The following KLHL13 variants were observed in gnomAD, a reference collection of about 807,000 sequenced individuals.
The protein encoded by KLHL13 is kelch-like protein 13.
A neutral mutation model predicts 37.1 loss-of-function variants in KLHL13; 10 were observed. The observed-to-expected ratio is 0.27, with a 90% CI of 0.17 to 0.46. The LOEUF (loss-of-function observed/expected upper bound fraction) is 0.46, where lower values mean the gene tolerates loss of function less well. Among genes scored for constraint, KLHL13 ranks in the 20% least tolerant of loss-of-function variants. The probability of loss-of-function intolerance (pLI) is 1.00; values close to 1 mark genes in which losing one functional copy is unlikely to be tolerated. For synonymous variants in KLHL13, 163 were observed against 181.2 expected, an observed-to-expected ratio of 0.90 and a Z score of 0.81; for missense variants, 360 against 509.3, an observed-to-expected ratio of 0.71 and a Z score of 2.82.
intron 1 of KLHL13, among the ~76,000 whole-genome samples, chrX:118,073,417 T>C (rs1364401801): frequency 9.0e-6 from 1 of 110,913 alleles, no homozygotes; most frequent in African/African-American, 3.3e-5. Flanking sequence ...AGGAAAGACC[T>C]GCCCCCATGA....
rs953345910 is a variant in KLHL13 at position 118,021,240 on chromosome X, CT to C, written c.-55-75666del. ...ATGTTGTTGTAAATGGCATTATCTCCTTTTTTTTTATTATTATACTTTAAGT... is the reference window on the plus strand; with the variant it reads ...ATGTTGTTGTAAATGGCATTATCTCCTTTTTTTTATTATTATACTTTAAGT... On this transcript the variant is annotated intron_variant, in intron 1 of 6. Transcript: ENST00000371882. Among the ~76,000 whole-genome samples the C allele has an allele frequency of 1.8e-4, 19 of 105,492 alleles. No individual in the cohort carries two copies. In the East Asian group the frequency reaches 3.1e-3, roughly 17 times the overall value. The allele number at this position is 105,492 out of a possible 115,157, so 91.6% of individuals were successfully genotyped here.
At chrX:118,099,591 A>G (rs921200907) in intron 1 of KLHL13, among the ~76,000 whole-genome samples, 1 of 110,907 alleles carries the variant, frequency 9.0e-6, no homozygotes, top group Non-Finnish European at 1.9e-5. Context: ...AGCTGGATCA[A>G]TTGAGGCCAG....
intron 1 of KLHL13, among the ~76,000 whole-genome samples, chrX:118,055,892 C>T (rs1372105415): frequency 1.8e-5 from 2 of 112,217 alleles, no homozygotes; most frequent in East Asian, 2.8e-4. Context: ...CTCTATTCAA[C>T]ATTGTGCTAG....
intron 1 of KLHL13, among the ~76,000 whole-genome samples, chrX:117,956,625 T>C: frequency 8.9e-6 from 1 of 112,190 alleles, no homozygotes; most frequent in South Asian, 3.7e-4. Context: ...AAGAGAAGTA[T>C]TCCTTTCCTT....
intron 1 of KLHL13, among the ~76,000 whole-genome samples, chrX:117,997,613 A>G (rs771696194): frequency 2.0e-4 from 22 of 112,326 alleles, no homozygotes; most frequent in Non-Finnish European, 3.0e-4. Flanking sequence ...ACGTATTGCA[A>G]GGCTCATTTG....
Position 118,032,106 on chromosome X carries a change from C to CA in KLHL13, c.-56+84401_-56+84402insT, listed in dbSNP as rs202052483. Among the ~76,000 whole-genome samples the CA allele has an allele frequency of 8.0e-3, 892 of 111,568 alleles. 12 individuals carry two copies. The highest frequency in any genetic ancestry group is 0.027 in the African/African-American group (843 of 30,724). On this transcript the variant is annotated intron_variant, in intron 1 of 6. Coordinates refer to the KLHL13 transcript ENST00000371882. ...AGAGGGTCCTAGGCCCACGGAGTCT[C>CA]CTGATTGCTTGCACAGCAGTCTGAG...
chrX:117,978,174 T>C (rs1243011023), upstream of KLHL13, among the ~76,000 whole-genome samples: 2 of 112,562 alleles, frequency 1.8e-5, no homozygotes, highest in African/African-American at 6.5e-5. Flanking sequence ...TTTGTAGCTA[T>C]GACTATGCCT....
At chrX:118,040,447 A>G (rs1224034302) in intron 1 of KLHL13, among the ~76,000 whole-genome samples, 3 of 112,165 alleles carry the variant, frequency 2.7e-5, no homozygotes, top group Non-Finnish European at 5.6e-5. Context: ...AGAGTCTCTC[A>G]ACAGTAGAAC....
chrX:117,985,469 T>C (rs2053713597), intron 1 of KLHL13: 1 of 542,751 alleles, frequency 1.8e-6, no homozygotes, highest in Middle Eastern at 6.8e-4. Context: ...AAAAAACCTA[T>C]GTACTGCATA....
At chrX:118,036,501 C>T (rs1333552733) in intron 1 of KLHL13, among the ~76,000 whole-genome samples, 2 of 111,459 alleles carry the variant, frequency 1.8e-5, no homozygotes, top group African/African-American at 6.5e-5. Flanking sequence ...GAAAGGATTC[C>T]CTATTTAATA....
intron 1 of KLHL13, among the ~76,000 whole-genome samples, chrX:117,964,446 T>G (rs1273191144): frequency 8.9e-6 from 1 of 112,158 alleles, no homozygotes; most frequent in African/African-American, 3.2e-5. Flanking sequence ...GAAGATAGTA[T>G]GGAAGATAAA....
In KLHL13 at chrX:118,007,005, C is replaced by T. The variant is rs185843534; in HGVS notation, c.-55-61430G>A. 3.4e-3 allele frequency among the ~76,000 whole-genome samples: 381 copies of T among 111,533 alleles called. 1 individual carries two copies. The highest frequency in any genetic ancestry group is 0.012 in the African/African-American group (361 of 30,725). ...GGGGCCAGAGATCAAATAATTATCG[C>T]TCCCTAGAGGCCTTATTAGACTTAG... is the stretch of plus-strand genomic sequence containing the variant. On this transcript the variant is annotated intron_variant, in intron 1 of 6. Coordinates refer to the KLHL13 transcript ENST00000371882.
chrX:117,936,184 G>A (rs1037467706), intron 2 of KLHL13, among the ~76,000 whole-genome samples: 5 of 111,358 alleles, frequency 4.5e-5, no homozygotes, highest in Non-Finnish European at 9.4e-5. Flanking sequence ...AGGAGTGAGG[G>A]AAATGAAATA....
At chrX:118,061,849 A>C (rs918786480) in intron 1 of KLHL13, among the ~76,000 whole-genome samples, 3 of 111,784 alleles carry the variant, frequency 2.7e-5, no homozygotes, top group Non-Finnish European at 5.7e-5. Flanking sequence ...AATTACTTAA[A>C]TTAATGTTTC....
chrX:117,979,927 T>A (rs1569432324), intron 1 of KLHL13, among the ~76,000 whole-genome samples: 1 of 112,055 alleles, frequency 8.9e-6, no homozygotes, highest in Non-Finnish European at 1.9e-5. Context: ...GTAAATAAAA[T>A]AGTCAAGCTA....
At chrX:118,019,383 T>C (rs190480326) in intron 1 of KLHL13, among the ~76,000 whole-genome samples, 9,233 of 110,491 alleles carry the variant, frequency 0.084, 355 homozygotes, top group Middle Eastern at 0.14. Flanking sequence ...TTGTAGATTC[T>C]GGATATTAGC....
chrX:118,094,579 A>G (rs1249397014), intron 1 of KLHL13, among the ~76,000 whole-genome samples: 1 of 110,132 alleles, frequency 9.1e-6, no homozygotes. Context: ...ACTCCAAGAC[A>G]CATAATTGTC....
exon 7 of KLHL13, chrX:117,897,848 A>T (rs1268510616): frequency 7.1e-5 from 8 of 112,282 alleles, no homozygotes; most frequent in African/African-American, 2.6e-4. Flanking sequence ...AAAAAAGATA[A>T]AACATGGAAG....
intron 1 of KLHL13, among the ~76,000 whole-genome samples, chrX:118,057,002 C>T (rs2054692271): frequency 8.9e-6 from 1 of 112,230 alleles, no homozygotes; most frequent in Admixed American, 9.4e-5. Flanking sequence ...CCACACTGTA[C>T]TTTGTCCCTG....
Sources: allele counts gnomAD v4.1 joint callset (sites outside exome capture counted in the v4.1 genomes callset), GRCh38; gene constraint gnomAD v4.1.1; transcripts MANE v1.5; gene names NCBI Gene and HGNC (gene_info 2026-07-23, HGNC 2026-07-21).